Variants in PCDH15 observed in about 807,000 individuals in gnomAD.
PCDH15 encodes the protein protocadherin related 15, also known as protocadherin-15.
Under a neutral mutation model 178.5 loss-of-function variants are expected in PCDH15, and 129 were observed. The observed-to-expected ratio is 0.72, with a 90% CI of 0.63 to 0.84. The LOEUF is 0.84. PCDH15 is among the 40% of genes least tolerant of loss of function. The pLI, the probability that PCDH15 is intolerant of heterozygous loss-of-function variation, is 0.00. For synonymous variants in PCDH15, 800 were observed against 732.0 expected, an observed-to-expected ratio of 1.09 and a Z score of -1.50; for missense variants, 2,230 against 2,099.9, an observed-to-expected ratio of 1.06 and a Z score of -1.21.
At chr10:54,525,568 C>T (rs111894923) in intron 3 of PCDH15, among the ~76,000 whole-genome samples, 1,856 of 152,244 alleles carry the variant, frequency 0.012, 49 homozygotes, top group African/African-American at 0.042. Context: ...AAGTGATTCT[C>T]GTGCCTCAGC....
rs115609403 is a variant in PCDH15 at position 54,201,674 on chromosome 10, A to C, written c.1099-5785T>G. ...GTATCTTTAATTTTAATAGGCTTTA[A>C]ATATTTTTTTAAAAATTAAGTGATT... On this transcript the variant is annotated intron_variant, in intron 10 of 37. Transcript: ENST00000644397. Among the ~76,000 whole-genome samples the C allele has an allele frequency of 8.3e-3, 1,262 of 152,266 alleles. 22 individuals carry two copies. Among genetic ancestry groups the C allele is most frequent in the African/African-American group, 0.029 (1,199 of 41,564 alleles).
At chr10:54,418,297 G>T (rs1954750411) in intron 3 of PCDH15, among the ~76,000 whole-genome samples, 1 of 151,970 alleles carries the variant, frequency 6.6e-6, no homozygotes, top group South Asian at 2.1e-4. Flanking sequence ...GTCATATTAT[G>T]TACATATGTG....
chr10:54,627,482 C>G (rs1033407684), intron 2 of PCDH15, among the ~76,000 whole-genome samples: 3 of 152,170 alleles, frequency 2.0e-5, no homozygotes, highest in Non-Finnish European at 4.4e-5. Context: ...CAAACTCTCT[C>G]TTTGCCTGCT....
intron 26 of PCDH15, among the ~76,000 whole-genome samples, chr10:53,902,937 T>C (rs1386333534): frequency 6.6e-6 from 1 of 152,136 alleles, no homozygotes. Flanking sequence ...TGAGAATCTT[T>C]TGAGTTATCC....
chr10:53,869,342 G>A (rs1338589601), intron 26 of PCDH15, among the ~76,000 whole-genome samples: 1 of 152,064 alleles, frequency 6.6e-6, no homozygotes, highest in African/African-American at 2.4e-5. Context: ...ACTCAACAAA[G>A]GATAGCATAA....
In PCDH15 at chr10:54,178,072, G is replaced by A. The variant is rs2047620317; in HGVS notation, c.1590+5372C>T. Among the ~76,000 whole-genome samples, 3 of 152,204 alleles carry A rather than the reference G, an allele frequency of 2.0e-5. No homozygotes were observed. In the South Asian group the frequency reaches 6.2e-4, roughly 32 times the overall value. On this transcript the variant is annotated intron_variant, in intron 13 of 37. Coordinates refer to ENST00000644397, the MANE Select transcript of PCDH15 (RefSeq NM_001384140.1). ...TGAAGAACGTTAATTTTTAAAGGGT[G>A]ATAATTGAACAAGGGGCCAGTAACA...
At chr10:53,976,407 C>A (rs2090184225) in intron 21 of PCDH15, among the ~76,000 whole-genome samples, 1 of 152,124 alleles carries the variant, frequency 6.6e-6, no homozygotes, top group East Asian at 1.9e-4. Flanking sequence ...CCTGAATGTT[C>A]TTTAGAAATA....
intron 3 of PCDH15, among the ~76,000 whole-genome samples, chr10:54,865,082 A>T (rs1221131662): frequency 1.3e-5 from 2 of 152,126 alleles, no homozygotes; most frequent in Non-Finnish European, 2.9e-5. Flanking sequence ...AAGGATACCT[A>T]GATAGCTGGT....
intron 1 of PCDH15, among the ~76,000 whole-genome samples, chr10:55,279,610 C>T (rs1337284730): frequency 6.6e-6 from 1 of 152,094 alleles, no homozygotes; most frequent in Non-Finnish European, 1.5e-5. Flanking sequence ...ACAAGAAGCC[C>T]CACATTTGCA....
chr10:54,828,361 T>C (rs964960347), intron 3 of PCDH15, among the ~76,000 whole-genome samples: 1 of 152,018 alleles, frequency 6.6e-6, no homozygotes, highest in African/African-American at 2.4e-5. Context: ...TGATAATTTG[T>C]AAAATCAAGC....
chr10:55,255,857 C>G (rs1401352289), intron 1 of PCDH15, among the ~76,000 whole-genome samples: 1 of 152,038 alleles, frequency 6.6e-6, no homozygotes, highest in African/African-American at 2.4e-5. Context: ...TAGCCCTTTG[C>G]CAGATGACTA....
intron 1 of PCDH15, among the ~76,000 whole-genome samples, chr10:55,262,058 G>C (rs1363584958): frequency 1.4e-5 from 2 of 145,806 alleles, no homozygotes; most frequent in Admixed American, 1.4e-4. Flanking sequence ...AAGGAAGGGA[G>C]GGAGGGAAAG....
At chr10:53,895,899 G>A (rs534734881) in intron 26 of PCDH15, among the ~76,000 whole-genome samples, 7 of 152,204 alleles carry the variant, frequency 4.6e-5, no homozygotes, top group Non-Finnish European at 1.0e-4. Context: ...CTCCTGGGAA[G>A]CAATGTAAGA....
At chr10:54,352,602 G>T (rs1482075895) in intron 5 of PCDH15, among the ~76,000 whole-genome samples, 2 of 152,142 alleles carry the variant, frequency 1.3e-5, no homozygotes, top group Admixed American at 6.5e-5. Context: ...TGCTACCGGG[G>T]TGGCAGGTGC....
chr10:55,269,133 C>A (rs60731843), intron 1 of PCDH15, among the ~76,000 whole-genome samples: 23,131 of 151,826 alleles, frequency 0.15, 2,307 homozygotes, highest in East Asian at 0.37. Context: ...AGGAACCTAC[C>A]CCAAAATAAG....
At chr10:53,846,053 C>A (rs1034547173) in intron 28 of PCDH15, among the ~76,000 whole-genome samples, 238 of 147,466 alleles carry the variant, frequency 1.6e-3, no homozygotes, top group African/African-American at 5.7e-3. Context: ...CACACACAAA[C>A]AAAAAAAGAA....
intron 6 of PCDH15, among the ~76,000 whole-genome samples, chr10:54,335,894 A>G (rs1325589936): frequency 2.0e-5 from 3 of 152,182 alleles, no homozygotes; most frequent in African/African-American, 7.2e-5. Context: ...AGGACAGGAA[A>G]AGGTGGGAAT....
At chr10:55,588,858 G>A (rs750017512) in intron 2 of PCDH15, among the ~76,000 whole-genome samples, 46 of 151,990 alleles carry the variant, frequency 3.0e-4, no homozygotes, top group Non-Finnish European at 3.2e-4. Flanking sequence ...GAGGTGGGTG[G>A]ATCACCCGAG....
chr10:54,470,482 G>C (rs1169003076), intron 3 of PCDH15, among the ~76,000 whole-genome samples: 3 of 152,066 alleles, frequency 2.0e-5, no homozygotes, highest in Admixed American at 2.0e-4. Context: ...GTGGGGACTG[G>C]GCTCTCAAAA....
Sources: allele counts gnomAD v4.1 joint callset (sites outside exome capture counted in the v4.1 genomes callset), GRCh38; gene constraint gnomAD v4.1.1; transcripts MANE v1.5; gene names NCBI Gene and HGNC (gene_info 2026-07-23, HGNC 2026-07-21).